The following DNAH5 variants were observed in gnomAD, a reference collection of about 807,000 sequenced individuals.
The protein encoded by DNAH5 is axonemal beta dynein heavy chain 5.
In DNAH5, 372 loss-of-function variants were observed where a neutral mutation model predicts 518.2. The observed-to-expected ratio is 0.72, with a 90% confidence interval of 0.66 to 0.78. The LOEUF (loss-of-function observed/expected upper bound fraction) is 0.78, where lower values mean the gene tolerates loss of function less well. Among genes scored for constraint, DNAH5 ranks in the 30% least tolerant of loss-of-function variants. DNAH5 has a pLI of 0.00. For synonymous variants in DNAH5, 2,039 were observed against 2,025.9 expected, an observed-to-expected ratio of 1.01 and a Z score of -0.17; for missense variants, 5,523 against 5,687.0, an observed-to-expected ratio of 0.97 and a Z score of 0.93.
At chr5:13,989,515 A>G (rs1166619237) in intron 1 of DNAH5, among the ~76,000 whole-genome samples, 28 of 136,244 alleles carry the variant, frequency 2.1e-4, no homozygotes, top group African/African-American at 7.3e-4. Flanking sequence ...ACGGAGTCTC[A>G]CTCTGTCGCC....
intron 30 of DNAH5, 29 bp from the exon 31 acceptor site, chr5:13,850,844 T>G (rs1766737576): frequency 6.2e-7 from 1 of 1,611,776 alleles, no homozygotes; most frequent in East Asian, 2.2e-5. Flanking sequence ...AAAGCACACT[T>G]AGATTTGGAC....
At chr5:13,865,493 T>G (rs1423720269) in intron 27 of DNAH5, among the ~76,000 whole-genome samples, 175 bp downstream of exon 27, 1 of 152,224 alleles carries the variant, frequency 6.6e-6, no homozygotes, top group Non-Finnish European at 1.5e-5. Context: ...TCTCATTGTG[T>G]ACACACAGGA....
At chr5:13,964,773 A>C (rs1438231526) in intron 1 of DNAH5, among the ~76,000 whole-genome samples, 1 of 152,234 alleles carries the variant, frequency 6.6e-6, no homozygotes, top group Non-Finnish European at 1.5e-5. Context: ...CGTGTGTTTA[A>C]AGATATATAC....
upstream of DNAH5, among the ~76,000 whole-genome samples, chr5:13,946,671 G>C (rs1779950618): frequency 1.3e-5 from 2 of 152,216 alleles, no homozygotes. Flanking sequence ...AGCCCCGTCT[G>C]TGCGGATAGT....
Position 13,919,201 on chromosome 5 carries a change from G to C in DNAH5, c.950C>G (p.Ala317Gly), listed in dbSNP as rs199691556. 6 of 1,613,832 alleles carry C rather than the reference G, an allele frequency of 3.7e-6. No homozygotes were observed. Among genetic ancestry groups the C allele is most frequent in the Non-Finnish European group, 5.1e-6 (6 of 1,179,880 alleles). The part of the protein sequence containing the change: ...PDVKAVLAVL[A>G]AAKSKLLKTW... ...CTTCAGCAGTTTCGACTTGGCCGCCGCAAGCACTGCCAGCACAGCCTTCAC... is the reference window on the plus strand; with the variant it reads ...CTTCAGCAGTTTCGACTTGGCCGCCCCAAGCACTGCCAGCACAGCCTTCAC... The change falls in exon 7 of 79, where the codon GCG becomes GGG. Residue 317 changes from alanine to glycine, a missense_variant. By Grantham distance (60) the Ala-to-Gly change is moderately conservative (BLOSUM62 0). Transcript: ENST00000265104.
intron 51 of DNAH5, 125 bp from the exon 52 acceptor site, chr5:13,786,476 T>A (rs1297761198): frequency 9.8e-7 from 1 of 1,018,126 alleles, no homozygotes; most frequent in African/African-American, 1.6e-5. Flanking sequence ...CTAAATGCCA[T>A]AGTGTGTATT....
Position 13,718,879 on chromosome 5 carries a change from C to A in DNAH5, c.12499+3G>T. 6.2e-7 allele frequency: 1 copy of A among 1,609,104 alleles called. No individual in the cohort carries two copies. Among genetic ancestry groups the A allele is most frequent in the Non-Finnish European group, 8.5e-7 (1 of 1,175,402 alleles). Reference sequence around the variant, plus strand: ...GTAGACTCGCAAGTATTTCTGGACTCACCACTATATGTTCTTTTCAGTCCT... The same window carrying A: ...GTAGACTCGCAAGTATTTCTGGACTAACCACTATATGTTCTTTTCAGTCCT... On this transcript the variant is annotated splice_donor_region_variant and intron_variant, in intron 72 of 78. Coordinates refer to ENST00000265104, the MANE Select transcript of DNAH5 (RefSeq NM_001369.3).
chr5:13,919,117 A>T, intron 7 of DNAH5, 59 bp downstream of exon 7: 1 of 1,599,684 alleles, frequency 6.3e-7, no homozygotes, highest in Non-Finnish European at 8.6e-7. Flanking sequence ...TATGCCTTGA[A>T]AATATGCATA....
chr5:13,844,545 T>A (rs1393207708), intron 32 of DNAH5, among the ~76,000 whole-genome samples: 1 of 152,216 alleles, frequency 6.6e-6, no homozygotes, highest in Non-Finnish European at 1.5e-5. Context: ...TGGTTTTTCA[T>A]CTTGTTGGAT....
chr5:13,842,384 AAAAG>A (rs1246492913), intron 32 of DNAH5, among the ~76,000 whole-genome samples: 2 of 151,142 alleles, frequency 1.3e-5, no homozygotes, highest in African/African-American at 2.4e-5. Flanking sequence ...CCGTCTCAAA[AAAAG>A]AAAGAAAGAA....
chr5:13,691,685 C>G lies in DNAH5; in HGVS notation c.*299G>C, dbSNP rs986567874. On this transcript the variant is annotated 3_prime_UTR_variant, in exon 79 of 79. Transcript: ENST00000265104. ...ATACTGTCTGCTTACCCTAGTCAGTCTTCGGAGCGAAGTAAGAAGAAAATA... is the reference window on the plus strand; with the variant it reads ...ATACTGTCTGCTTACCCTAGTCAGTGTTCGGAGCGAAGTAAGAAGAAAATA... The G allele has an allele frequency of 1.3e-5, 5 of 370,648 alleles. No individual in the cohort carries two copies. The highest frequency in any genetic ancestry group is 2.0e-5 in the Non-Finnish European group (4 of 197,424). 23.0% of individuals were successfully genotyped at this position (370,648 alleles called of 1,614,324 possible).
At position 13,721,008 on chromosome 5, in the gene DNAH5, T is replaced by C; in HGVS notation, c.12271A>G (p.Met4091Val). Residue 4091 changes from methionine (M) to valine (V), a missense_variant, in exon 71 of 79, where the codon ATG (methionine) becomes GTG (valine). By Grantham distance (21) the Met-to-Val change is conservative. Coordinates refer to ENST00000265104, the MANE Select transcript of DNAH5 (RefSeq NM_001369.3). Reference sequence around the variant, plus strand: ...AGACTATTCAGCCTTACGTTCGCCATGGTCTGCTGCAAGAGCTTCCGAGCA... The same window carrying C: ...AGACTATTCAGCCTTACGTTCGCCACGGTCTGCTGCAAGAGCTTCCGAGCA... ...VHARKLLQQT[M>V]ANGGWALLQN... 1 of 1,614,166 alleles carries C rather than the reference T, an allele frequency of 6.2e-7. No homozygotes were observed. The highest frequency in any genetic ancestry group is 8.5e-7 in the Non-Finnish European group (1 of 1,179,992).
At chr5:13,999,733 G>T (rs1327592983) in intron 1 of DNAH5, among the ~76,000 whole-genome samples, 1 of 152,164 alleles carries the variant, frequency 6.6e-6, no homozygotes, top group Admixed American at 6.5e-5. Context: ...TGGATCATCT[G>T]GTAGTGGTAT....
intron 47 of DNAH5, 24 bp downstream of exon 47, chr5:13,807,567 T>C: frequency 6.2e-7 from 1 of 1,611,842 alleles, no homozygotes; most frequent in Non-Finnish European, 8.5e-7. Flanking sequence ...TTGGGCTTAC[T>C]GAGCCATACC....
chr5:13,814,780 A>G lies in DNAH5; in HGVS notation c.7055T>C (p.Val2352Ala). ...DAIWIENLNS[V>A]LDDNKTLTLA... ...GGTTAGAGTTTTGTTATCATCCAAA[A>G]CAGAATTCAGATTTTCAATCCAGAT... Residue 2352 changes from valine to alanine, a missense_variant, in exon 43 of 79, where the codon GTT becomes GCT. Physicochemically the swap from Val to Ala is moderately conservative, Grantham distance 64. This residue lies in a region of DNAH5 where 5,121 missense variants were observed against 5,223.3 expected (regional missense o/e 0.98). Transcript: ENST00000265104. 4.3e-6 allele frequency: 7 copies of G among 1,614,090 alleles called. No individual in the cohort carries two copies. The highest frequency in any genetic ancestry group is 5.9e-6 in the Non-Finnish European group (7 of 1,180,012).
rs1057139058 is a variant in DNAH5 at position 13,887,410 on chromosome 5, G to T, written c.2578-1281C>A. On this transcript the variant is annotated intron_variant, in intron 17 of 78. Transcript: ENST00000265104. ...ATATAAACGCAATGAGGAAAAAGAA[G>T]TAATAAATAGACTCATTAAAATATC... Among the ~76,000 whole-genome samples, 12 of 152,252 alleles carry T rather than the reference G, an allele frequency of 7.9e-5. No homozygotes were observed. The East Asian group carries it at 2.3e-3, about 29-fold the overall frequency.
At chr5:13,935,999 G>A (rs562665498) in intron 1 of DNAH5, among the ~76,000 whole-genome samples, 3 of 152,350 alleles carry the variant, frequency 2.0e-5, no homozygotes, top group African/African-American at 4.8e-5. Flanking sequence ...ATCTAGAGCA[G>A]CATTAAAACA....
chr5:13,749,770 T>G (rs1319729187), intron 65 of DNAH5, among the ~76,000 whole-genome samples: 3 of 152,172 alleles, frequency 2.0e-5, no homozygotes, highest in Non-Finnish European at 4.4e-5. Context: ...CCAGGTCACA[T>G]GCTATTGCTC....
chr5:13,822,789 C>G (rs1473551301), intron 40 of DNAH5, among the ~76,000 whole-genome samples: 2 of 152,100 alleles, frequency 1.3e-5, no homozygotes, highest in African/African-American at 2.4e-5. Context: ...TGGGTTCCCC[C>G]ACCCTACCCA....
Sources: gnomAD v4.1 joint callset for allele counts (sites outside exome capture counted in the v4.1 genomes callset) on GRCh38, gnomAD v4.1.1 for gene constraint, gnomAD v4.1.1 regional missense constraint, MANE v1.5 for transcripts, NCBI Gene and HGNC (gene_info 2026-07-23, HGNC 2026-07-21) for gene names.